Variants in NRG3 observed in about 807,000 individuals in gnomAD.
The protein encoded by NRG3 is neuregulin 3, also known as pro-neuregulin-3, membrane-bound isoform.
Under a neutral mutation model 66.9 loss-of-function variants are expected in NRG3, and 31 were observed. The observed-to-expected ratio is 0.46, with a 90% CI of 0.35 to 0.63. The LOEUF (loss-of-function observed/expected upper bound fraction) is 0.63, where lower values mean the gene tolerates loss of function less well. Ranked by LOEUF, NRG3 falls within the 20% of genes least tolerant of loss-of-function variation. NRG3 has a pLI of 0.00. For missense variants in NRG3, 910 were observed against 878.9 expected, an observed-to-expected ratio of 1.04 and a Z score of -0.45; for synonymous variants, 393 against 359.4, an observed-to-expected ratio of 1.09 and a Z score of -1.06.
intron 2 of NRG3, among the ~76,000 whole-genome samples, chr10:82,420,138 A>T (rs535148235): frequency 6.6e-6 from 1 of 152,258 alleles, no homozygotes; most frequent in Non-Finnish European, 1.5e-5. Flanking sequence ...GTTGGCCTAT[A>T]GCTCAGTCTG....
At chr10:82,694,225 C>T (rs1056550919) in intron 2 of NRG3, among the ~76,000 whole-genome samples, 1 of 151,976 alleles carries the variant, frequency 6.6e-6, no homozygotes, top group East Asian at 1.9e-4. Context: ...AGACACAGAG[C>T]GCTGATTGGT....
At chr10:82,542,358 G>A (rs1007727177) in intron 2 of NRG3, among the ~76,000 whole-genome samples, 17 of 152,050 alleles carry the variant, frequency 1.1e-4, no homozygotes, top group Admixed American at 3.3e-4. Context: ...AGAATTATAG[G>A]GACATATAGA....
intron 4 of NRG3, among the ~76,000 whole-genome samples, chr10:82,915,923 T>A (rs949786216): frequency 6.6e-6 from 1 of 152,216 alleles, no homozygotes; most frequent in South Asian, 2.1e-4. Context: ...AATAAAGACA[T>A]TTATACTCAA....
chr10:82,674,629 A>C (rs1465504208), intron 2 of NRG3, among the ~76,000 whole-genome samples: 2 of 152,266 alleles, frequency 1.3e-5, no homozygotes, highest in East Asian at 3.9e-4. Context: ...AGGATGGTTC[A>C]TCCAGCACTC....
intron 1 of NRG3, among the ~76,000 whole-genome samples, chr10:82,024,613 G>T (rs2062211679): frequency 6.6e-6 from 1 of 151,960 alleles, no homozygotes; most frequent in Admixed American, 6.6e-5. Context: ...CTGAATTCAA[G>T]GTGTGTAGAA....
intron 2 of NRG3, among the ~76,000 whole-genome samples, chr10:82,489,288 T>C (rs1343411974): frequency 6.6e-6 from 1 of 152,206 alleles, no homozygotes. Flanking sequence ...TAGAGATATA[T>C]GGAGAAGGAA....
chr10:82,614,153 C>G (rs1047496302), intron 2 of NRG3, among the ~76,000 whole-genome samples: 9 of 152,126 alleles, frequency 5.9e-5, no homozygotes, highest in African/African-American at 2.2e-4. Context: ...CTGCCTTGGC[C>G]TCCCAAAGCT....
At chr10:82,437,948 G>A (rs145991693) in intron 2 of NRG3, among the ~76,000 whole-genome samples, 2,596 of 152,286 alleles carry the variant, frequency 0.017, 35 homozygotes, top group Non-Finnish European at 0.028. Flanking sequence ...CTCTGACCTC[G>A]AGGGGCACCA....
At chr10:82,579,901 A>G (rs531748499) in intron 2 of NRG3, among the ~76,000 whole-genome samples, 3 of 152,086 alleles carry the variant, frequency 2.0e-5, no homozygotes, top group Admixed American at 6.6e-5. Context: ...AAATTATGCT[A>G]AGAGCTTTGA....
At chr10:82,552,244 G>A (rs912738165) in intron 2 of NRG3, among the ~76,000 whole-genome samples, 2 of 151,966 alleles carry the variant, frequency 1.3e-5, no homozygotes, top group African/African-American at 4.8e-5. Flanking sequence ...CAATGATATT[G>A]TTCATATAGG....
At chr10:82,461,212 C>A (rs1342638844) in intron 2 of NRG3, among the ~76,000 whole-genome samples, 1 of 151,566 alleles carries the variant, frequency 6.6e-6, no homozygotes, top group Admixed American at 6.6e-5. Context: ...CCATTAACAC[C>A]ATTACCACCA....
chr10:82,175,231 T>C (rs531822126), intron 1 of NRG3, among the ~76,000 whole-genome samples: 3 of 152,298 alleles, frequency 2.0e-5, no homozygotes, highest in East Asian at 1.9e-4. Flanking sequence ...GCTGCTTCTT[T>C]GCTTGCAATT....
At chr10:82,693,420 A>C (rs1175561928) in intron 2 of NRG3, among the ~76,000 whole-genome samples, 1 of 152,162 alleles carries the variant, frequency 6.6e-6, no homozygotes, top group African/African-American at 2.4e-5. Flanking sequence ...TTTATTTTAA[A>C]TATGTCATAA....
intron 1 of NRG3, among the ~76,000 whole-genome samples, chr10:81,976,899 A>G (rs1462675601): frequency 6.6e-6 from 1 of 152,196 alleles, no homozygotes; most frequent in Non-Finnish European, 1.5e-5. Context: ...ACTTGTATAC[A>G]AACACTCACA....
In NRG3 at chr10:82,873,313, A is replaced by G. The variant is rs184504221; in HGVS notation, c.1054+7876A>G. ...GTTGATAGAAAATCAGTAACCAAAA[A>G]TATATATCTTAAATTCATGTCTTAA... On this transcript the variant is annotated intron_variant, in intron 4 of 8. Transcript: ENST00000372141. Among the ~76,000 whole-genome samples, 5 of 152,316 alleles carry G rather than the reference A, an allele frequency of 3.3e-5. No individual in the cohort carries two copies. In the East Asian group the frequency reaches 7.7e-4, roughly 24 times the overall value.
chr10:82,474,869 A>T (rs1841620447), intron 2 of NRG3, among the ~76,000 whole-genome samples: 1 of 152,164 alleles, frequency 6.6e-6, no homozygotes, highest in Non-Finnish European at 1.5e-5. Flanking sequence ...GCATCTTGAA[A>T]GCAGCAAGAG....
In NRG3 at chr10:82,303,636, G is replaced by A. The variant is rs550156742; in HGVS notation, c.824-55103G>A. Among the ~76,000 whole-genome samples, 525 of 152,244 alleles carry A rather than the reference G, an allele frequency of 3.4e-3. 2 individuals are homozygous for A. The highest frequency in any genetic ancestry group is 6.3e-3 in the Non-Finnish European group (431 of 68,014). On this transcript the variant is annotated intron_variant, in intron 1 of 8. Coordinates refer to ENST00000372141, the MANE Select transcript of NRG3 (RefSeq NM_001010848.4). Reference sequence around the variant, plus strand: ...TGTAATCCCAGCACTTTGGGAGGCCGAGGTGGGTGGATCATGAGGTCAGGA... The same window carrying A: ...TGTAATCCCAGCACTTTGGGAGGCCAAGGTGGGTGGATCATGAGGTCAGGA...
intron 1 of NRG3, among the ~76,000 whole-genome samples, chr10:82,298,746 C>CCATAGGTAG (rs1280787771): frequency 4.8e-4 from 73 of 152,240 alleles, no homozygotes; most frequent in African/African-American, 1.7e-3. Flanking sequence ...CTATGCTGTG[C>CCATAGGTAG]ACAGAATGCC....
intron 2 of NRG3, among the ~76,000 whole-genome samples, chr10:82,361,817 G>A (rs765503769): frequency 2.0e-5 from 3 of 151,912 alleles, no homozygotes; most frequent in Non-Finnish European, 4.4e-5. Flanking sequence ...GATCTGAGCA[G>A]CAATATAAAG....
Sources: gnomAD v4.1 joint callset for allele counts (sites outside exome capture counted in the v4.1 genomes callset) on GRCh38, gnomAD v4.1.1 for gene constraint, MANE v1.5 for transcripts, NCBI Gene and HGNC (gene_info 2026-07-23, HGNC 2026-07-21) for gene names.